PTPRD: variants seen among roughly 807,000 people sequenced by gnomAD.
PTPRD encodes protein tyrosine phosphatase receptor type D.
A neutral mutation model predicts 214.5 loss-of-function variants in PTPRD; 34 were observed. The observed-to-expected ratio is 0.16, with a 90% CI of 0.12 to 0.21. The LOEUF is 0.21. PTPRD is among the 10% of genes least tolerant of loss of function. PTPRD has a pLI of 1.00. For missense variants in PTPRD, 2,545 were observed against 2,398.7 expected (o/e 1.06, Z -1.27); for synonymous variants, 1,128 against 845.7 (o/e 1.33, Z -5.79).
At chr9:8,627,537 A>C (rs1403292700) in intron 14 of PTPRD, among the ~76,000 whole-genome samples, 1 of 151,914 alleles carries the variant, frequency 6.6e-6, no homozygotes, top group Admixed American at 6.6e-5. Context: ...ATGAAGTCAA[A>C]AGAAGAAAAT....
intron 2 of PTPRD, among the ~76,000 whole-genome samples, chr9:10,523,622 T>TAGAGAGAG (rs1555471552): frequency 7.6e-6 from 1 of 131,384 alleles, no homozygotes; most frequent in African/African-American, 2.8e-5. Context: ...TATATATATA[T>TAGAGAGAG]AGACAGAAAG....
chr9:8,950,621 A>G (rs2099096364), intron 11 of PTPRD, among the ~76,000 whole-genome samples: 1 of 152,130 alleles, frequency 6.6e-6, no homozygotes, highest in Non-Finnish European at 1.5e-5. Flanking sequence ...AGGACTCTGT[A>G]TATAATGGAG....
chr9:9,959,649 T>A (rs77459488), intron 4 of PTPRD, among the ~76,000 whole-genome samples: 1 of 152,206 alleles, frequency 6.6e-6, no homozygotes, highest in African/African-American at 2.4e-5. Context: ...AAGTCTATAA[T>A]GCTAGAGGCA....
intron 11 of PTPRD, among the ~76,000 whole-genome samples, chr9:8,953,822 G>C (rs376941952): frequency 6.6e-6 from 1 of 151,908 alleles, no homozygotes; most frequent in Non-Finnish European, 1.5e-5. Context: ...CAGTCAGAAT[G>C]GCTTTTATTA....
intron 10 of PTPRD, among the ~76,000 whole-genome samples, chr9:9,110,014 C>T (rs2099803907): frequency 6.6e-6 from 1 of 151,934 alleles, no homozygotes; most frequent in Non-Finnish European, 1.5e-5. Context: ...ACCAGGAGCT[C>T]CAAAGAGACA....
At chr9:8,765,480 G>A (rs766368917) in intron 11 of PTPRD, among the ~76,000 whole-genome samples, 2 of 152,124 alleles carry the variant, frequency 1.3e-5, no homozygotes, top group Non-Finnish European at 2.9e-5. Flanking sequence ...ACCAATCCCT[G>A]CCAGCAACCA....
chr9:8,328,920 A>G (rs946935949), intron 44 of PTPRD, among the ~76,000 whole-genome samples: 4 of 150,522 alleles, frequency 2.7e-5, no homozygotes. Flanking sequence ...TCTAGTTAGC[A>G]ATTCCTCTAA....
chr9:10,202,527 T>C (rs1594058362), intron 3 of PTPRD, among the ~76,000 whole-genome samples: 2 of 150,808 alleles, frequency 1.3e-5, no homozygotes, highest in Admixed American at 1.3e-4. Context: ...CATGATTGTT[T>C]GCATTTCTTT....
At chr9:9,994,764 T>C (rs2096065901) in intron 4 of PTPRD, among the ~76,000 whole-genome samples, 1 of 152,146 alleles carries the variant, frequency 6.6e-6, no homozygotes, top group Non-Finnish European at 1.5e-5. Context: ...ATCAATTGTA[T>C]TACATTTTAA....
Position 8,460,538 on chromosome 9 carries a change from C to A in PTPRD, c.3748G>T (p.Val1250Leu), listed in dbSNP as rs772029273. The A allele has an allele frequency of 1.9e-6, 3 of 1,613,238 alleles. No homozygotes were observed. Among genetic ancestry groups the A allele is most frequent in the African/African-American group, 1.3e-5 (1 of 74,840 alleles). ...TGCGGATCCAGATCCATTGACACCA[C>A]GGGGTCGGAGTAAGGGCTGGTTGCA... is the stretch of plus-strand genomic sequence containing the variant. ...MYATSPYSDPVVSMDLDPQPI... is the reference protein window; with the variant it reads ...MYATSPYSDPLVSMDLDPQPI... Residue 1250 changes from valine to leucine, a missense_variant, in exon 33 of 46, where the codon GTG becomes TTG. Transcript: ENST00000381196.
chr9:8,682,403 TG>T (rs1159832762), intron 12 of PTPRD, among the ~76,000 whole-genome samples: 1 of 152,148 alleles, frequency 6.6e-6, no homozygotes, highest in African/African-American at 2.4e-5. Flanking sequence ...CATAAATGTT[TG>T]GGGGGATACA....
intron 9 of PTPRD, among the ~76,000 whole-genome samples, chr9:9,264,441 C>T (rs555889897): frequency 9.9e-5 from 15 of 151,630 alleles, no homozygotes; most frequent in African/African-American, 3.4e-4. Context: ...AGAAGAAAGA[C>T]TCTGTGAAAT....
intron 9 of PTPRD, among the ~76,000 whole-genome samples, chr9:9,322,269 A>G (rs1333185825): frequency 6.6e-6 from 1 of 152,202 alleles, no homozygotes; most frequent in Non-Finnish European, 1.5e-5. Context: ...AAACTTTGGA[A>G]CGATAAAAGC....
chr9:10,118,998 T>G (rs1388221954), intron 3 of PTPRD, among the ~76,000 whole-genome samples: 1 of 151,700 alleles, frequency 6.6e-6, no homozygotes, highest in Non-Finnish European at 1.5e-5. Flanking sequence ...AATGGTCATT[T>G]AGAAAATAGT....
At chr9:10,263,051 G>C (rs545868785) in intron 3 of PTPRD, among the ~76,000 whole-genome samples, 2 of 152,258 alleles carry the variant, frequency 1.3e-5, no homozygotes, top group Admixed American at 6.5e-5. Flanking sequence ...CATGTAAGGT[G>C]TGCCTTTCAC....
At chr9:9,284,338 T>A (rs1323672882) in intron 9 of PTPRD, among the ~76,000 whole-genome samples, 1 of 151,644 alleles carries the variant, frequency 6.6e-6, no homozygotes, top group Non-Finnish European at 1.5e-5. Flanking sequence ...AACCTTTTGA[T>A]CCTAAAGTGA....
intron 3 of PTPRD, among the ~76,000 whole-genome samples, chr9:10,190,366 C>T (rs142239715): frequency 3.2e-4 from 36 of 113,950 alleles, no homozygotes; most frequent in Non-Finnish European, 5.4e-4. Context: ...GCAGCCTGGG[C>T]GTCAGAGACT....
At chr9:8,912,181 A>G (rs1594768) in intron 11 of PTPRD, among the ~76,000 whole-genome samples, 53,523 of 151,850 alleles carry the variant, frequency 0.35, 10,758 homozygotes, top group Non-Finnish European at 0.45. Flanking sequence ...ATAAAAATAT[A>G]TGTCCATGTA....
At chr9:9,639,004 C>T (rs143822185) in intron 7 of PTPRD, among the ~76,000 whole-genome samples, 25 of 152,258 alleles carry the variant, frequency 1.6e-4, no homozygotes, top group African/African-American at 5.3e-4. Flanking sequence ...CAAAACACCT[C>T]CCAAAAGGCC....
Sources: allele counts gnomAD v4.1 joint callset (sites outside exome capture counted in the v4.1 genomes callset), GRCh38; gene constraint gnomAD v4.1.1; transcripts MANE v1.5; gene names NCBI Gene and HGNC (gene_info 2026-07-23, HGNC 2026-07-21).